MEMO1: variants seen among roughly 807,000 people sequenced by gnomAD.
MEMO1 encodes the protein mediator of cell motility 1.
A neutral mutation model predicts 45.2 loss-of-function variants in MEMO1; 6 were observed. The ratio of observed to expected loss-of-function variants is 0.13; its 90% confidence interval spans 0.07 to 0.26. The LOEUF (loss-of-function observed/expected upper bound fraction) is 0.26, where lower values mean the gene tolerates loss of function less well. MEMO1 is among the 10% of genes least tolerant of loss of function. MEMO1 has a pLI of 1.00. For synonymous variants in MEMO1, 78 were observed against 124.3 expected (o/e 0.63, Z 2.48); for missense variants, 184 against 370.5 (o/e 0.50, Z 4.13).
intron 2 of MEMO1, among the ~76,000 whole-genome samples, chr2:31,996,694 T>C (rs12995113): frequency 0.046 from 7,026 of 152,114 alleles, 243 homozygotes; most frequent in Non-Finnish European, 0.075. Flanking sequence ...TTAATCTAAT[T>C]AACATTTATA....
intron 4 of MEMO1, among the ~76,000 whole-genome samples, chr2:31,926,158 G>A (rs1484843766): frequency 6.6e-6 from 1 of 152,030 alleles, no homozygotes; most frequent in South Asian, 2.1e-4. Flanking sequence ...CTTGAGGCCA[G>A]GAGTTCAAGA....
intron 6 of MEMO1, among the ~76,000 whole-genome samples, chr2:31,911,916 C>G (rs1333811478): frequency 6.6e-6 from 1 of 152,114 alleles, no homozygotes; most frequent in Non-Finnish European, 1.5e-5. Flanking sequence ...GCTGGGATTA[C>G]AGGCCTCATG....
At chr2:31,901,190 T>C (rs867776688) in intron 6 of MEMO1, among the ~76,000 whole-genome samples, 5 of 151,810 alleles carry the variant, frequency 3.3e-5, no homozygotes, top group Non-Finnish European at 5.9e-5. Flanking sequence ...CTGACCAACA[T>C]GGCGAAACCC....
chr2:31,916,465 G>A (rs908479280), intron 6 of MEMO1, among the ~76,000 whole-genome samples: 3 of 152,154 alleles, frequency 2.0e-5, no homozygotes, highest in African/African-American at 4.8e-5. Context: ...CTGGGCTCAA[G>A]CCATGTGCCC....
chr2:31,874,733 G>C (rs1434352095), intron 8 of MEMO1, among the ~76,000 whole-genome samples: 2 of 151,750 alleles, frequency 1.3e-5, no homozygotes, highest in Non-Finnish European at 2.9e-5. Context: ...CTTATACAGA[G>C]AACCATCCAA....
chr2:31,879,263 T>C (rs1230536681), intron 8 of MEMO1, among the ~76,000 whole-genome samples: 1 of 152,214 alleles, frequency 6.6e-6, no homozygotes, highest in Non-Finnish European at 1.5e-5. Context: ...TCTTCCTCCC[T>C]CTTTGCTAAA....
intron 2 of MEMO1, among the ~76,000 whole-genome samples, chr2:32,001,656 T>C (rs12992916): frequency 0.098 from 14,973 of 152,084 alleles, 797 homozygotes; most frequent in Middle Eastern, 0.21. Flanking sequence ...CAAGTCTTAG[T>C]TTTTCTTCTT....
intron 6 of MEMO1, among the ~76,000 whole-genome samples, chr2:31,911,741 A>C (rs1680599773): frequency 6.6e-6 from 1 of 152,152 alleles, no homozygotes; most frequent in Admixed American, 6.5e-5. Flanking sequence ...TCCAGGCTGA[A>C]GTAATCCTCC....
chr2:31,944,481 G>A lies in MEMO1; in HGVS notation c.62-1098C>T, dbSNP rs552959066. ...TGCTAAATCACAAGCAAACCTGGAT[G>A]TTGGTCACCCTAAATTGAGAAGATA... On this transcript the variant is annotated intron_variant, in intron 2 of 9. Transcript: ENST00000404530. 5.9e-5 allele frequency among the ~76,000 whole-genome samples: 9 copies of A among 152,282 alleles called. No homozygotes were observed. The East Asian group carries it at 1.7e-3, about 29-fold the overall frequency.
intron 6 of MEMO1, 66 bp downstream of exon 6, chr2:31,917,859 AG>A: frequency 9.8e-7 from 1 of 1,017,800 alleles, no homozygotes; most frequent in South Asian, 1.7e-5. Context: ...AGGATTTACT[AG>A]TTTTAAATTA....
chr2:31,874,224 A>G (rs894318281), intron 8 of MEMO1, among the ~76,000 whole-genome samples: 2 of 152,130 alleles, frequency 1.3e-5, no homozygotes, highest in African/African-American at 4.8e-5. Flanking sequence ...TCTCATATGA[A>G]TAACTATGAC....
intron 2 of MEMO1, among the ~76,000 whole-genome samples, chr2:31,986,070 T>C (rs1409959847): frequency 1.3e-5 from 2 of 152,178 alleles, no homozygotes; most frequent in African/African-American, 4.8e-5. Flanking sequence ...CTTTCTTCCC[T>C]TCTCACTACT....
At position 31,897,218 on chromosome 2, in the gene MEMO1, T is replaced by C. The variant is rs575639860; in HGVS notation, c.438-5084A>G. On this transcript the variant is annotated intron_variant, in intron 6 of 9. Coordinates refer to ENST00000404530, the MANE Select transcript of MEMO1 (RefSeq NM_001301833.4). Reference sequence around the variant, plus strand: ...CCTATTTGAATACAGTTTATTTCTTTCTCTTGCCTTATTGCACTGGACAGA... The same window carrying C: ...CCTATTTGAATACAGTTTATTTCTTCCTCTTGCCTTATTGCACTGGACAGA... 1.1e-4 allele frequency among the ~76,000 whole-genome samples: 16 copies of C among 152,062 alleles called. No individual in the cohort carries two copies. In the South Asian group the frequency reaches 3.3e-3, roughly 31 times the overall value.
At chr2:31,880,998 T>C (rs1239441027) in intron 8 of MEMO1, among the ~76,000 whole-genome samples, 1 of 151,740 alleles carries the variant, frequency 6.6e-6, no homozygotes, top group Non-Finnish European at 1.5e-5. Context: ...CACTCCAGCC[T>C]GGGTGACAGA....
chr2:31,902,481 G>A (rs1177568192), intron 6 of MEMO1, among the ~76,000 whole-genome samples: 1 of 151,012 alleles, frequency 6.6e-6, no homozygotes, highest in Non-Finnish European at 1.5e-5. Flanking sequence ...TGTTGCAGAA[G>A]AAAAAAAAGA....
intron 2 of MEMO1, among the ~76,000 whole-genome samples, chr2:31,980,020 AAAAG>A (rs1178084291): frequency 1.3e-5 from 2 of 152,084 alleles, no homozygotes; most frequent in Admixed American, 6.5e-5. Context: ...AAAAAAAAAA[AAAAG>A]AAAGAAAAAA....
chr2:31,924,887 T>C (rs1035973320), intron 4 of MEMO1, among the ~76,000 whole-genome samples: 4 of 152,214 alleles, frequency 2.6e-5, no homozygotes, highest in South Asian at 2.1e-4. Context: ...AAATGTATCA[T>C]TGTTAAACTT....
rs189855377 is a variant in MEMO1 at position 32,003,410 on chromosome 2, A to G, written c.61+6777T>C. On this transcript the variant is annotated intron_variant, in intron 2 of 9. Coordinates refer to ENST00000404530, the MANE Select transcript of MEMO1 (RefSeq NM_001301833.4). ...ATCAATAATATAACCACTATTTGCC[A>G]AGGGAAAAAAAGCAAAGAAATGTTC... Among the ~76,000 whole-genome samples the G allele has an allele frequency of 3.7e-3, 568 of 152,314 alleles. 5 individuals are homozygous for G. Among genetic ancestry groups the G allele is most frequent in the African/African-American group, 0.013 (558 of 41,570 alleles).
chr2:31,872,111 C>T (rs2147878081), intron 8 of MEMO1, among the ~76,000 whole-genome samples: 1 of 151,806 alleles, frequency 6.6e-6, no homozygotes, highest in Non-Finnish European at 1.5e-5. Flanking sequence ...ATTTCTAACC[C>T]AAGAATGGAT....
Sources: gnomAD v4.1 joint callset for allele counts (sites outside exome capture counted in the v4.1 genomes callset) on GRCh38, gnomAD v4.1.1 for gene constraint, MANE v1.5 for transcripts, NCBI Gene and HGNC (gene_info 2026-07-23, HGNC 2026-07-21) for gene names.